The following TOM1L2 variants were observed in gnomAD, a reference collection of about 807,000 sequenced individuals.
TOM1L2 encodes the protein target of myb1 like 2 membrane trafficking protein.
A neutral mutation model predicts 67.9 loss-of-function variants in TOM1L2; 31 were observed. That is an observed-to-expected ratio of 0.46 (90% CI 0.34 to 0.62). The LOEUF is 0.62. Among genes scored for constraint, TOM1L2 ranks in the 20% least tolerant of loss-of-function variants. TOM1L2 has a pLI of 0.01. For synonymous variants in TOM1L2, 256 were observed against 254.0 expected (o/e 1.01, Z -0.07); for missense variants, 606 against 663.5 (o/e 0.91, Z 0.95).
intron 7 of TOM1L2, chr17:17,869,708 T>C: frequency 7.5e-7 from 1 of 1,326,878 alleles, no homozygotes; most frequent in Non-Finnish European, 9.6e-7. Context: ...TACTGTTGTA[T>C]GTATACAAGT....
chr17:17,972,369 C>T lies in TOM1L2; in HGVS notation c.-56G>A. ...CCCCTGTCTGCCACCTAGGCCTCCG[C>T]TGTAACCCGCCGGACTCCCGTCCTG... is the stretch of plus-strand genomic sequence containing the variant. On this transcript the variant is annotated 5_prime_UTR_variant, in exon 1 of 15. Coordinates refer to ENST00000379504, the MANE Select transcript of TOM1L2 (RefSeq NM_001082968.2). The T allele has an allele frequency of 6.5e-7, 1 of 1,546,962 alleles. No homozygotes were observed. Among genetic ancestry groups the T allele is most frequent in the Non-Finnish European group, 8.7e-7 (1 of 1,145,524 alleles).
rs1168599479 is a variant in TOM1L2, at chr17:17,882,765, G to A, written c.600C>T (p.Tyr200=). The change falls in exon 6 of 15, where the codon TAC becomes TAT. Residue 200 remains tyrosine, a synonymous_variant. Coordinates refer to ENST00000379504, the MANE Select transcript of TOM1L2 (RefSeq NM_001082968.2). ...GSYSSPPPAP[Y]SAPQAPALSV... is the part of the protein sequence containing the mutation. ...TCAGAGCTGGGGCCTGCGGTGCGGAGTAGGGAGCAGGAGGCGGCGAGGAAT... is the reference window on the plus strand; with the variant it reads ...TCAGAGCTGGGGCCTGCGGTGCGGAATAGGGAGCAGGAGGCGGCGAGGAAT... The A allele has an allele frequency of 4.3e-6, 7 of 1,614,126 alleles. No individual in the cohort carries two copies. The highest frequency in any genetic ancestry group is 5.9e-6 in the Non-Finnish European group (7 of 1,180,052).
At chr17:17,896,151 G>C (rs561383928) in intron 3 of TOM1L2, among the ~76,000 whole-genome samples, 1 of 152,038 alleles carries the variant, frequency 6.6e-6, no homozygotes, top group Non-Finnish European at 1.5e-5. Flanking sequence ...GATCCATGGG[G>C]GCACTGAAAT....
intron 1 of TOM1L2, among the ~76,000 whole-genome samples, chr17:17,948,857 C>T (rs1224523503): frequency 2.6e-5 from 4 of 152,146 alleles, no homozygotes; most frequent in Non-Finnish European, 5.9e-5. Flanking sequence ...CCTCCTATTG[C>T]CTGATGGATC....
At chr17:17,869,713 A>G in intron 7 of TOM1L2, 1 of 1,295,940 alleles carries the variant, frequency 7.7e-7, no homozygotes, top group Non-Finnish European at 9.9e-7. Context: ...TTGTATGTAT[A>G]CAAGTACATG....
intron 2 of TOM1L2, among the ~76,000 whole-genome samples, chr17:17,904,871 C>CA (rs2039018152): frequency 6.6e-6 from 1 of 152,188 alleles, no homozygotes; most frequent in African/African-American, 2.4e-5. Context: ...AGCATTGATA[C>CA]CCACCTTTCC....
chr17:17,895,280 C>T lies in TOM1L2; in HGVS notation c.217-1470G>A, dbSNP rs990505934. Among the ~76,000 whole-genome samples the T allele has an allele frequency of 2.0e-5, 3 of 152,164 alleles. No homozygotes were observed. The South Asian group carries it at 6.2e-4, about 32-fold the overall frequency. On this transcript the variant is annotated intron_variant, in intron 3 of 14. Transcript: ENST00000379504. ...CTAACTGGGGAATGCCTCCTCAAAA[C>T]GATGTCACCAGCAACAGGGAACATT... is the stretch of plus-strand genomic sequence containing the variant.
chr17:17,896,783 C>G (rs573361082), intron 3 of TOM1L2, among the ~76,000 whole-genome samples: 58 of 152,322 alleles, frequency 3.8e-4, no homozygotes, highest in African/African-American at 1.4e-3. Context: ...GAGAGCCCCT[C>G]AGGGCTTCTT....
intron 1 of TOM1L2, among the ~76,000 whole-genome samples, chr17:17,911,444 C>G (rs1421521390): frequency 6.6e-6 from 1 of 152,108 alleles, no homozygotes; most frequent in Non-Finnish European, 1.5e-5. Flanking sequence ...AGGACTTGCC[C>G]CACTGTTCCC....
intron 2 of TOM1L2, among the ~76,000 whole-genome samples, chr17:17,901,432 T>G (rs1360226873): frequency 6.6e-6 from 1 of 152,188 alleles, no homozygotes; most frequent in Non-Finnish European, 1.5e-5. Context: ...GCCTCGTGAT[T>G]TGGCCTCTGG....
Position 17,945,821 on chromosome 17 carries a change from A to G in TOM1L2, c.52+26441T>C, listed in dbSNP as rs549516431. Among the ~76,000 whole-genome samples, 23 of 152,340 alleles carry G rather than the reference A, an allele frequency of 1.5e-4. 1 individual carries two copies. Among genetic ancestry groups the G allele is most frequent in the South Asian group, 1.2e-3 (6 of 4,826 alleles). On this transcript the variant is annotated intron_variant, in intron 1 of 14. Coordinates refer to ENST00000379504, the MANE Select transcript of TOM1L2 (RefSeq NM_001082968.2). ...AGAAAAAAGAAGAAAAGCTAGTCAC[A>G]TAAGTCTGCCACCACCCTAATTCAA...
At chr17:17,884,833 A>G in intron 4 of TOM1L2, 65 bp from the exon 5 acceptor site, 1 of 1,603,460 alleles carries the variant, frequency 6.2e-7, no homozygotes, top group South Asian at 1.1e-5. Context: ...GAAAATCCAA[A>G]GTGGCCCACG....
intron 1 of TOM1L2, among the ~76,000 whole-genome samples, chr17:17,949,278 C>T (rs1021923351): frequency 6.6e-6 from 1 of 151,922 alleles, no homozygotes; most frequent in Non-Finnish European, 1.5e-5. Flanking sequence ...AAACCCAGCT[C>T]ACCATCCACG....
chr17:17,954,501 C>T (rs2041345657), intron 1 of TOM1L2, among the ~76,000 whole-genome samples: 1 of 152,020 alleles, frequency 6.6e-6, no homozygotes, highest in Non-Finnish European at 1.5e-5. Context: ...TTAGTAGAGA[C>T]GGGGTTTCGC....
At chr17:17,913,979 C>G (rs193065265) in intron 1 of TOM1L2, among the ~76,000 whole-genome samples, 6 of 152,156 alleles carry the variant, frequency 3.9e-5, no homozygotes, top group African/African-American at 1.2e-4. Flanking sequence ...ACTACTACCC[C>G]CTAGCCAGCT....
At chr17:17,868,469 G>A (rs2036974206) in intron 8 of TOM1L2, among the ~76,000 whole-genome samples, 1 of 152,202 alleles carries the variant, frequency 6.6e-6, no homozygotes, top group Non-Finnish European at 1.5e-5. Context: ...GAGTCAGCTG[G>A]TGCGGCAGAG....
chr17:17,956,070 G>A (rs1200415836), intron 1 of TOM1L2, among the ~76,000 whole-genome samples: 1 of 152,212 alleles, frequency 6.6e-6, no homozygotes, highest in African/African-American at 2.4e-5. Context: ...AGCAACATTT[G>A]TTTCAAAGAG....
chr17:17,888,525 T>C (rs957675133), intron 4 of TOM1L2, among the ~76,000 whole-genome samples: 2 of 152,210 alleles, frequency 1.3e-5, no homozygotes, highest in African/African-American at 4.8e-5. Context: ...CCAGACTTCC[T>C]ATTCCCAGTG....
chr17:17,912,092 CT>C (rs1217950438), intron 1 of TOM1L2, among the ~76,000 whole-genome samples: 1 of 152,172 alleles, frequency 6.6e-6, no homozygotes, highest in African/African-American at 2.4e-5. Context: ...ATTTCTCAAT[CT>C]TTTCCCCACC....
Sources: gnomAD v4.1 joint callset for allele counts (sites outside exome capture counted in the v4.1 genomes callset) on GRCh38, gnomAD v4.1.1 for gene constraint, MANE v1.5 for transcripts, NCBI Gene and HGNC (gene_info 2026-07-23, HGNC 2026-07-21) for gene names.